The following ITFG2 variants were observed in gnomAD, a reference collection of about 807,000 sequenced individuals.
ITFG2 encodes KICSTOR complex protein ITFG2.
ITFG2 carries 36 observed loss-of-function variants against 54.4 expected under a neutral mutation model. The observed-to-expected ratio is 0.66, with a 90% CI of 0.51 to 0.87. ITFG2 has a LOEUF of 0.87. ITFG2 is among the 40% of genes least tolerant of loss of function. ITFG2 has a pLI of 0.00. For missense variants in ITFG2, 524 were observed against 576.7 expected, an observed-to-expected ratio of 0.91 and a Z score of 0.94; for synonymous variants, 211 against 225.4, an observed-to-expected ratio of 0.94 and a Z score of 0.57.
intron 2 of ITFG2, chr12:2,855,401 G>GGT: frequency 1.1e-6 from 1 of 903,158 alleles, no homozygotes; most frequent in East Asian, 6.1e-5. Context: ...AACTCACGCT[G>GGT]AGCCCACGTT....
chr12:2,840,413 G>A lies in ITFG2; in HGVS notation n.147-429G>A, dbSNP rs12320973. Among the ~76,000 whole-genome samples the A allele has an allele frequency of 3.1e-3, 462 of 149,274 alleles. 2 individuals are homozygous for A. Among genetic ancestry groups the A allele is most frequent in the African/African-American group, 0.011 (430 of 40,238 alleles). On this transcript the variant is annotated intron_variant and non_coding_transcript_variant, in intron 1 of 3. Coordinates refer to the ITFG2 transcript ENST00000537710. ...TCAAGTTGAAGTGAGCCGAGATCAC[G>A]TCACTGCACCCCAGCCTGGGAGACA...
intron 3 of ITFG2, chr12:2,858,776 C>T (rs150424596): frequency 6.2e-7 from 1 of 1,614,194 alleles, no homozygotes; most frequent in East Asian, 2.2e-5. Flanking sequence ...GGCCTTCTGT[C>T]AGAGAACGAT....
chr12:2,818,413 G>A, intron 4 of ITFG2, 136 bp downstream of exon 4: 1 of 1,504,128 alleles, frequency 6.6e-7, no homozygotes, highest in Admixed American at 2.0e-5. Flanking sequence ...CCCATGATAA[G>A]CCAGGCATCA....
chr12:2,850,446 C>G (rs1270155612), intron 2 of ITFG2, among the ~76,000 whole-genome samples: 3 of 146,164 alleles, frequency 2.1e-5, no homozygotes, highest in Non-Finnish European at 4.5e-5. Context: ...CCACTGCACT[C>G]CAGCCTGGGC....
At chr12:2,815,580 G>T (rs1407855128) in intron 1 of ITFG2, among the ~76,000 whole-genome samples, 3 of 152,226 alleles carry the variant, frequency 2.0e-5, no homozygotes, top group Non-Finnish European at 4.4e-5. Flanking sequence ...AGTTCACATT[G>T]TCTTTTTATT....
At position 2,820,165 on chromosome 12, in the gene ITFG2, G is replaced by A; in HGVS notation, c.486G>A (p.Glu162=). 3 of 1,613,962 alleles carry A rather than the reference G, an allele frequency of 1.9e-6. No homozygotes were observed. The highest frequency in any genetic ancestry group is 2.5e-6 in the Non-Finnish European group (3 of 1,179,934). ...VRAFRWEELG[E]GPEHLTGQLV... ...CTTTCCGCTGGGAGGAGCTAGGTGA[G>A]GGTCCTGAACATCTGACAGGGCAGC... Residue 162 remains glutamate, a synonymous_variant, in exon 5 of 12, where the codon GAG becomes GAA. Transcript: ENST00000228799.
intron 6 of ITFG2, 44 bp from the exon 7 acceptor site, chr12:2,821,218 G>T (rs2097942982): frequency 6.8e-7 from 1 of 1,473,590 alleles, no homozygotes; most frequent in Admixed American, 1.9e-5. Flanking sequence ...GGAGAGCTCA[G>T]CTCACTTGGT....
In ITFG2 at chr12:2,814,675, A is replaced by G. The variant is rs534446219; in HGVS notation, c.96+1819A>G. Among the ~76,000 whole-genome samples, 11 of 150,474 alleles carry G rather than the reference A, an allele frequency of 7.3e-5. No individual in the cohort carries two copies. The East Asian group carries it at 2.2e-3, about 30-fold the overall frequency. ...GGAAACTCCGTCTTTACAAAAAAAT[A>G]GAAAAAATTAGCCAGGTGTGGTGGT... On this transcript the variant is annotated intron_variant, in intron 1 of 11. Transcript: ENST00000228799.
At chr12:2,859,712 G>A (rs767436206) in exon 4 of ITFG2, 11 of 1,400,812 alleles carry the variant, frequency 7.9e-6, no homozygotes, top group South Asian at 2.6e-5. Context: ...CAGACAGGAC[G>A]CACAAAAATA....
intron 10 of ITFG2, among the ~76,000 whole-genome samples, 190 bp downstream of exon 10, chr12:2,823,101 C>T (rs908780778): frequency 1.4e-4 from 22 of 151,748 alleles, no homozygotes; most frequent in African/African-American, 5.3e-4. Flanking sequence ...CTTCATTCAC[C>T]GTGAGTTCTT....
chr12:2,838,145 T>A (rs1224846636), intron 1 of ITFG2, among the ~76,000 whole-genome samples: 1 of 152,212 alleles, frequency 6.6e-6, no homozygotes, highest in South Asian at 2.1e-4. Flanking sequence ...TCCTCTGGCA[T>A]GTTTTGCTGG....
At chr12:2,822,453 T>A (rs1240663484) in intron 9 of ITFG2, among the ~76,000 whole-genome samples, 11 of 152,216 alleles carry the variant, frequency 7.2e-5, no homozygotes, top group Admixed American at 7.2e-4. Context: ...CTATTTAATA[T>A]CACTGTGGCC....
intron 10 of ITFG2, among the ~76,000 whole-genome samples, chr12:2,823,560 A>G (rs997176953): frequency 9.2e-5 from 14 of 152,144 alleles, no homozygotes; most frequent in African/African-American, 3.4e-4. Context: ...TTTTGTTACT[A>G]TGGTTTTTCT....
chr12:2,817,771 C>G, intron 2 of ITFG2, 138 bp from the exon 3 acceptor site: 1 of 772,868 alleles, frequency 1.3e-6, no homozygotes, highest in Non-Finnish European at 2.1e-6. Flanking sequence ...TAATAAAGAC[C>G]ATCACCATGG....
chr12:2,821,208 G>A (rs1156563424), intron 6 of ITFG2, 54 bp from the exon 7 acceptor site: 4 of 1,392,972 alleles, frequency 2.9e-6, no homozygotes, highest in South Asian at 2.5e-5. Flanking sequence ...ACAAAGGGCT[G>A]GAGAGCTCAG....
Position 2,819,192 on chromosome 12 carries a change from C to T in ITFG2, c.407-894C>T, listed in dbSNP as rs144417814. Among the ~76,000 whole-genome samples the T allele has an allele frequency of 1.2e-4, 18 of 152,062 alleles. No homozygotes were observed. In the East Asian group the frequency reaches 2.7e-3, roughly 23 times the overall value. On this transcript the variant is annotated intron_variant, in intron 4 of 11. Transcript: ENST00000228799. The stretch of plus-strand genomic sequence containing the variant: ...AAAAATACAAAAATTGGGCTGGGCA[C>T]GGTGGCTCACGCCTGTAATCCCAAC...
At chr12:2,819,763 A>C (rs1281488414) in intron 4 of ITFG2, 1 of 212,082 alleles carries the variant, frequency 4.7e-6, no homozygotes, top group Non-Finnish European at 9.3e-6. Flanking sequence ...TGGTGAAAAA[A>C]AAAAAAAGTG....
chr12:2,816,169 T>G (rs191765542), intron 1 of ITFG2, among the ~76,000 whole-genome samples: 74 of 147,282 alleles, frequency 5.0e-4, no homozygotes, highest in African/African-American at 1.8e-3. Flanking sequence ...TAGCTGGGAT[T>G]ACAGGTGTGT....
intron 4 of ITFG2, among the ~76,000 whole-genome samples, chr12:2,818,965 C>T (rs1339662652): frequency 6.6e-6 from 1 of 151,888 alleles, no homozygotes; most frequent in Non-Finnish European, 1.5e-5. Flanking sequence ...TTGCAGTGAC[C>T]CAGGATCATG....
Sources: allele counts gnomAD v4.1 joint callset (sites outside exome capture counted in the v4.1 genomes callset), GRCh38; gene constraint gnomAD v4.1.1; transcripts MANE v1.5; gene names NCBI Gene and HGNC (gene_info 2026-07-23, HGNC 2026-07-21).